FREM3: variants seen among roughly 807,000 people sequenced by gnomAD.
The protein encoded by FREM3 is FRAS1 related extracellular matrix 3, also known as FRAS1-related extracellular matrix protein 3.
FREM3 carries 105 observed loss-of-function variants against 129.1 expected under a neutral mutation model. That is an observed-to-expected ratio of 0.81 (90% CI 0.69 to 0.96). The LOEUF (loss-of-function observed/expected upper bound fraction) is 0.96. FREM3 is among the 40% of genes least tolerant of loss of function. FREM3 has a pLI of 0.00. For missense variants in FREM3, 2,593 were observed against 2,666.3 expected (o/e 0.97, Z 0.61); for synonymous variants, 1,014 against 1,044.9 (o/e 0.97, Z 0.57).
intron 2 of FREM3, among the ~76,000 whole-genome samples, chr4:143,650,936 A>T (rs1739500292): frequency 6.6e-6 from 1 of 152,188 alleles, no homozygotes; most frequent in East Asian, 1.9e-4. Flanking sequence ...ATCTTCAATG[A>T]ACTATGAATT....
At chr4:143,583,301 G>A (rs902488436) in intron 7 of FREM3, among the ~76,000 whole-genome samples, 2 of 152,118 alleles carry the variant, frequency 1.3e-5, no homozygotes, top group Non-Finnish European at 2.9e-5. Context: ...TTAGAAATAC[G>A]GGATTCTGTA....
At position 143,693,164 on chromosome 4, in the gene FREM3, C is replaced by G; in HGVS notation, c.5224G>C (p.Glu1742Gln). The G allele has an allele frequency of 6.6e-7, 1 of 1,520,358 alleles. No individual in the cohort carries two copies. The highest frequency in any genetic ancestry group is 8.8e-7 in the Non-Finnish European group (1 of 1,137,494). 94.2% of individuals were successfully genotyped at this position (1,520,358 alleles called of 1,614,324 possible). The stretch of plus-strand genomic sequence containing the variant: ...ATGTCCTTTGATGCGTTGCTGCCCT[C>G]ATTCAAGACATAGGATATCTTCATC... ...DEMKISYVLN[E>Q]GSNASKDIFY... Residue 1742 changes from glutamate to glutamine, a missense_variant, in exon 2 of 8, where the codon GAG (glutamate) becomes CAG (glutamine). This residue lies in a region of FREM3 where 2,276 missense variants were observed against 2,267.2 expected (regional missense o/e 1.00). Transcript: ENST00000329798.
intron 6 of FREM3, among the ~76,000 whole-genome samples, chr4:143,609,988 A>G (rs551211507): frequency 1.3e-5 from 2 of 152,326 alleles, no homozygotes; most frequent in South Asian, 4.1e-4. Flanking sequence ...ACATTTCCAT[A>G]AAGGAATATA....
intron 6 of FREM3, among the ~76,000 whole-genome samples, chr4:143,590,078 C>T (rs896649437): frequency 3.3e-5 from 5 of 152,156 alleles, no homozygotes; most frequent in East Asian, 3.9e-4. Context: ...GATTTTTGCA[C>T]ATTGATTTTG....
intron 2 of FREM3, among the ~76,000 whole-genome samples, chr4:143,677,405 A>T (rs1740156748): frequency 6.6e-6 from 1 of 152,242 alleles, no homozygotes; most frequent in South Asian, 2.1e-4. Flanking sequence ...AGATGGATTA[A>T]AGACTTAAAT....
chr4:143,601,438 A>G (rs1328423320), intron 6 of FREM3, among the ~76,000 whole-genome samples: 4 of 152,320 alleles, frequency 2.6e-5, no homozygotes, highest in Non-Finnish European at 5.9e-5. Flanking sequence ...CCTCTGTGAA[A>G]CTGGACATTT....
At chr4:143,583,433 A>C (rs1420633952) in intron 7 of FREM3, among the ~76,000 whole-genome samples, 1 of 152,162 alleles carries the variant, frequency 6.6e-6, no homozygotes, top group African/African-American at 2.4e-5. Flanking sequence ...AGAGAGGCCA[A>C]AATTCAAATT....
chr4:143,594,784 G>T (rs1414671418), intron 6 of FREM3, among the ~76,000 whole-genome samples: 4 of 152,186 alleles, frequency 2.6e-5, no homozygotes, highest in Non-Finnish European at 4.4e-5. Flanking sequence ...GATGCTCTAG[G>T]TATTGAGCAT....
At chr4:143,591,494 T>C (rs971299007) in intron 6 of FREM3, among the ~76,000 whole-genome samples, 3 of 151,698 alleles carry the variant, frequency 2.0e-5, no homozygotes, top group African/African-American at 7.2e-5. Flanking sequence ...CATTTCGTTA[T>C]GTACCCAGTA....
At chr4:143,580,494 G>A (rs969003503) in intron 7 of FREM3, among the ~76,000 whole-genome samples, 3 of 152,186 alleles carry the variant, frequency 2.0e-5, no homozygotes, top group Non-Finnish European at 4.4e-5. Context: ...TAAGGCTCAG[G>A]CATGCATGGA....
intron 2 of FREM3, among the ~76,000 whole-genome samples, chr4:143,675,343 G>A (rs200225136): frequency 0.072 from 10,902 of 151,868 alleles, 1,041 homozygotes; most frequent in African/African-American, 0.21. Flanking sequence ...TGAAACCAAC[G>A]AGAACAAAGA....
At chr4:143,622,994 T>C (rs947266277) in intron 4 of FREM3, among the ~76,000 whole-genome samples, 4 of 152,198 alleles carry the variant, frequency 2.6e-5, no homozygotes, top group Non-Finnish European at 5.9e-5. Context: ...CCTTGTTCAT[T>C]AGGTGGTGGG....
chr4:143,669,524 G>C (rs576832573), intron 2 of FREM3, among the ~76,000 whole-genome samples: 58 of 152,016 alleles, frequency 3.8e-4, no homozygotes, highest in Non-Finnish European at 6.2e-4. Flanking sequence ...TTGGCGTCAA[G>C]TGATGCTCCC....
intron 2 of FREM3, among the ~76,000 whole-genome samples, chr4:143,673,163 G>T (rs1212379178): frequency 1.3e-5 from 2 of 152,172 alleles, no homozygotes; most frequent in African/African-American, 4.8e-5. Context: ...AGGAGGAGAG[G>T]CTGTCTGATT....
At chr4:143,623,623 T>A (rs1392226985) in intron 4 of FREM3, among the ~76,000 whole-genome samples, 1 of 150,298 alleles carries the variant, frequency 6.7e-6, no homozygotes, top group East Asian at 2.0e-4. Context: ...AAAGAATGAA[T>A]ACAAAAAACG....
intron 5 of FREM3, among the ~76,000 whole-genome samples, chr4:143,614,911 TCTATCCA>T (rs1475057975): frequency 6.6e-6 from 1 of 152,186 alleles, no homozygotes; most frequent in East Asian, 1.9e-4. Flanking sequence ...AGCATACCAC[TCTATCCA>T]TGATGATGAT....
Position 143,697,773 on chromosome 4 carries a change from G to T in FREM3, c.2903C>A (p.Thr968Asn). Residue 968 changes from threonine to asparagine, a missense_variant, in exon 1 of 8, where the codon ACC becomes AAC. Around this residue, in one of 2 missense-constraint regions of FREM3, gnomAD observed 2,276 missense variants for 2,267.2 expected, o/e 1.00. Transcript: ENST00000329798. ...DVLENKATEI[T>N]MGVIHGKRKD... ...CCTTTTGCCATGGATGACACCCATGGTAATTTCAGTGGCTTTATTCTCTAG... is the reference window on the plus strand; with the variant it reads ...CCTTTTGCCATGGATGACACCCATGTTAATTTCAGTGGCTTTATTCTCTAG... 1.3e-6 allele frequency: 2 copies of T among 1,537,568 alleles called. No homozygotes were observed. Among genetic ancestry groups the T allele is most frequent in the Non-Finnish European group, 1.7e-6 (2 of 1,146,990 alleles).
chr4:143,666,791 C>G (rs1020695312), intron 2 of FREM3, among the ~76,000 whole-genome samples: 1 of 150,980 alleles, frequency 6.6e-6, no homozygotes, highest in African/African-American at 2.4e-5. Context: ...GTTGTGAAAA[C>G]AGTAATGATA....
chr4:143,605,073 C>T (rs1310684225), intron 6 of FREM3, among the ~76,000 whole-genome samples: 1 of 152,112 alleles, frequency 6.6e-6, no homozygotes, highest in Non-Finnish European at 1.5e-5. Flanking sequence ...GTGAATGTCT[C>T]TTGAATGAAT....
Sources: gnomAD v4.1 joint callset for allele counts (sites outside exome capture counted in the v4.1 genomes callset) on GRCh38, gnomAD v4.1.1 for gene constraint, gnomAD v4.1.1 regional missense constraint, MANE v1.5 for transcripts, NCBI Gene and HGNC (gene_info 2026-07-23, HGNC 2026-07-21) for gene names.